The following PPP4R3B variants were observed in gnomAD, a reference collection of about 807,000 sequenced individuals.
The protein encoded by PPP4R3B is serine/threonine-protein phosphatase 4 regulatory subunit 3B.
In PPP4R3B, 52 loss-of-function variants were observed where a neutral mutation model predicts 95.4. The ratio of observed to expected loss-of-function variants is 0.54; its 90% CI spans 0.44 to 0.69. The LOEUF is 0.69. PPP4R3B is among the 30% of genes least tolerant of loss of function. PPP4R3B has a pLI of 0.00. For synonymous variants in PPP4R3B, 407 were observed against 343.9 expected (o/e 1.18, Z -2.03); for missense variants, 1,003 against 1,005.9 (o/e 1.00, Z 0.04).
At position 55,549,714 on chromosome 2, in the gene PPP4R3B, A is replaced by G; in HGVS notation, c.*197T>C. The G allele has an allele frequency of 3.7e-6, 2 of 543,134 alleles. No individual in the cohort carries two copies. The highest frequency in any genetic ancestry group is 6.4e-6 in the Non-Finnish European group (2 of 311,260). The allele number at this position is 543,134 out of a possible 1,614,324, so 33.6% of individuals were successfully genotyped here. A position where few individuals can be genotyped will look rare whatever the true frequency, so the allele number is the denominator to read the frequency against. On this transcript the variant is annotated 3_prime_UTR_variant, in exon 17 of 17. Coordinates refer to ENST00000616407, the MANE Select transcript of PPP4R3B (RefSeq NM_001122964.3). ...TGACAGCCTAAAAGGCAAACCCCTTAATTACTAGCAAGCAATCAAGTTCCT... is the reference window on the plus strand; with the variant it reads ...TGACAGCCTAAAAGGCAAACCCCTTGATTACTAGCAAGCAATCAAGTTCCT...
At chr2:55,611,518 C>G (rs1167135073) in intron 2 of PPP4R3B, among the ~76,000 whole-genome samples, 1 of 152,180 alleles carries the variant, frequency 6.6e-6, no homozygotes, top group African/African-American at 2.4e-5. Context: ...GTACTATGCA[C>G]AGTAAGGAAG....
At chr2:55,588,284 C>T (rs1047664591) in intron 5 of PPP4R3B, among the ~76,000 whole-genome samples, 5 of 152,020 alleles carry the variant, frequency 3.3e-5, no homozygotes, top group African/African-American at 1.2e-4. Context: ...GAGGCCAAGG[C>T]GGGGGGATCA....
chr2:55,558,068 C>T lies in PPP4R3B; in HGVS notation c.2454+707G>A, dbSNP rs558506933. 2.4e-4 allele frequency among the ~76,000 whole-genome samples: 36 copies of T among 152,186 alleles called. 1 individual carries two copies. Among genetic ancestry groups the T allele is most frequent in the African/African-American group, 7.7e-4 (32 of 41,524 alleles). On this transcript the variant is annotated intron_variant, in intron 16 of 16. Coordinates refer to ENST00000616407, the MANE Select transcript of PPP4R3B (RefSeq NM_001122964.3). ...AATGAGATATTATATACTGTCTCCCCTACCTAACTGGCAAATACTAAAAAT... is the reference window on the plus strand; with the variant it reads ...AATGAGATATTATATACTGTCTCCCTTACCTAACTGGCAAATACTAAAAAT...
At chr2:55,574,009 T>G (rs1688334739) in intron 11 of PPP4R3B, among the ~76,000 whole-genome samples, 1 of 150,750 alleles carries the variant, frequency 6.6e-6, no homozygotes, top group South Asian at 2.1e-4. Context: ...CCACCTCAGC[T>G]GCCAGAGTAG....
At chr2:55,561,760 C>T (rs556969742) in intron 15 of PPP4R3B, among the ~76,000 whole-genome samples, 4 of 152,364 alleles carry the variant, frequency 2.6e-5, no homozygotes, top group African/African-American at 9.6e-5. Context: ...GGAATGGGAG[C>T]ATTTACCCAA....
intron 16 of PPP4R3B, among the ~76,000 whole-genome samples, chr2:55,557,280 C>A (rs2103828097): frequency 6.6e-6 from 1 of 152,256 alleles, no homozygotes; most frequent in South Asian, 2.1e-4. Context: ...GAAGCCTCCA[C>A]CTCTCAGGCT....
chr2:55,573,489 G>C (rs1688263749), intron 12 of PPP4R3B, 130 bp downstream of exon 12: 1 of 848,890 alleles, frequency 1.2e-6, no homozygotes, highest in Non-Finnish European at 1.8e-6. Flanking sequence ...CTTTAAATAA[G>C]AACAAAAGAA....
At chr2:55,601,053 G>T (rs1692525889) in intron 3 of PPP4R3B, among the ~76,000 whole-genome samples, 1 of 150,078 alleles carries the variant, frequency 6.7e-6, no homozygotes, top group African/African-American at 2.4e-5. Context: ...AGGCTGAAGT[G>T]AGAATCCCTT....
intron 12 of PPP4R3B, among the ~76,000 whole-genome samples, chr2:55,572,562 G>A (rs1688146027): frequency 6.6e-6 from 1 of 152,108 alleles, no homozygotes; most frequent in Non-Finnish European, 1.5e-5. Flanking sequence ...TTTAAAATTA[G>A]TAACACTGAA....
At chr2:55,595,187 C>T (rs1405169592) in intron 4 of PPP4R3B, among the ~76,000 whole-genome samples, 1 of 152,016 alleles carries the variant, frequency 6.6e-6, no homozygotes, top group Non-Finnish European at 1.5e-5. Flanking sequence ...CTGTGCCTGG[C>T]TAATTTTTGT....
intron 12 of PPP4R3B, among the ~76,000 whole-genome samples, chr2:55,573,367 G>C (rs887816441): frequency 3.9e-5 from 6 of 152,172 alleles, no homozygotes; most frequent in African/African-American, 1.4e-4. Context: ...GGTTCTGTTA[G>C]TAAAATGCTG....
chr2:55,586,867 A>C (rs1251789960), intron 5 of PPP4R3B, 133 bp from the exon 6 acceptor site: 1 of 509,216 alleles, frequency 2.0e-6, no homozygotes, highest in East Asian at 3.0e-5. Flanking sequence ...GCTCCTCAAA[A>C]CTACATTAAA....
At chr2:55,585,012 T>C (rs1374372148) in intron 7 of PPP4R3B, 39 bp downstream of exon 7, 3 of 1,417,458 alleles carry the variant, frequency 2.1e-6, no homozygotes, top group Admixed American at 3.6e-5. Flanking sequence ...CTACTCACTC[T>C]ACAGGTAATT....
chr2:55,561,780 C>A (rs1238723978), intron 15 of PPP4R3B, among the ~76,000 whole-genome samples: 1 of 152,180 alleles, frequency 6.6e-6, no homozygotes, highest in Non-Finnish European at 1.5e-5. Context: ...ATGTCTGTAC[C>A]CCCGTTGTAT....
In PPP4R3B at chr2:55,609,001, T is replaced by C. The variant is rs564975262; in HGVS notation, c.199-4925A>G. 2.0e-3 allele frequency among the ~76,000 whole-genome samples: 301 copies of C among 151,926 alleles called. 1 individual carries two copies. The highest frequency in any genetic ancestry group is 6.9e-3 in the African/African-American group (284 of 41,438). On this transcript the variant is annotated intron_variant, in intron 2 of 16. Transcript: ENST00000616407. ...ACCACCGCCCTGCCTCCAAAAAAAT[T>C]CCAAACGAAAAGATAGTGACCAGCC... is the stretch of plus-strand genomic sequence containing the variant.
chr2:55,593,422 G>A (rs1486693283), intron 4 of PPP4R3B, among the ~76,000 whole-genome samples: 1 of 151,972 alleles, frequency 6.6e-6, no homozygotes, highest in Non-Finnish European at 1.5e-5. Context: ...CCTCACTTCG[G>A]CCCAGTTACA....
At chr2:55,591,326 G>C (rs1325841653) in intron 4 of PPP4R3B, among the ~76,000 whole-genome samples, 1 of 144,742 alleles carries the variant, frequency 6.9e-6, no homozygotes, top group African/African-American at 2.9e-5. Context: ...TTTTTGTACA[G>C]ATGGGGGGGT....
At position 55,568,380 on chromosome 2, in the gene PPP4R3B, TA is replaced by T; in HGVS notation, c.1766-18del. The T allele has an allele frequency of 1.3e-6, 2 of 1,579,490 alleles. No individual in the cohort carries two copies. Among genetic ancestry groups the T allele is most frequent in the Admixed American group, 1.8e-5 (1 of 54,844 alleles). On this transcript the variant is annotated intron_variant, in intron 12 of 16. Transcript: ENST00000616407. ...GAAGGGCACCTAATTAAAAATAATA[TA>T]GGGAATAAGTTAATGATCTTACTAA...
At chr2:55,592,764 C>T (rs1691213498) in intron 4 of PPP4R3B, among the ~76,000 whole-genome samples, 1 of 152,142 alleles carries the variant, frequency 6.6e-6, no homozygotes, top group Non-Finnish European at 1.5e-5. Flanking sequence ...GATTCCTATC[C>T]TCCATCATTT....
Sources: allele counts gnomAD v4.1 joint callset (sites outside exome capture counted in the v4.1 genomes callset), GRCh38; gene constraint gnomAD v4.1.1; transcripts MANE v1.5; gene names NCBI Gene and HGNC (gene_info 2026-07-23, HGNC 2026-07-21).